Variants in PCDH9 observed in about 807,000 individuals in gnomAD.
The protein encoded by PCDH9 is protocadherin 9.
In PCDH9, 24 loss-of-function variants were observed where a neutral mutation model predicts 70.6. That is an observed-to-expected ratio of 0.34 (90% confidence interval 0.25 to 0.48). PCDH9 has a LOEUF of 0.48. Ranked by LOEUF, PCDH9 falls within the 20% of genes least tolerant of loss-of-function variation. The probability of loss-of-function intolerance (pLI) is 0.99; values close to 1 mark genes in which losing one functional copy is unlikely to be tolerated. For synonymous variants in PCDH9, 562 were observed against 558.5 expected (o/e 1.01, Z -0.09); for missense variants, 1,281 against 1,503.6 (o/e 0.85, Z 2.45).
chr13:66,622,009 G>T (rs575581846), intron 4 of PCDH9, among the ~76,000 whole-genome samples: 2 of 152,380 alleles, frequency 1.3e-5, no homozygotes, highest in East Asian at 3.9e-4. Flanking sequence ...GGAGTTCCGG[G>T]TGGGCGTGGG....
chr13:66,624,071 G>C (rs2077468373), intron 4 of PCDH9, among the ~76,000 whole-genome samples: 1 of 152,080 alleles, frequency 6.6e-6, no homozygotes, highest in Admixed American at 6.5e-5. Context: ...AGAAATATCA[G>C]ATACAGAAAT....
At chr13:66,855,745 C>T (rs533794122) in intron 3 of PCDH9, among the ~76,000 whole-genome samples, 33 of 152,022 alleles carry the variant, frequency 2.2e-4, no homozygotes, top group African/African-American at 7.7e-4. Context: ...AAGTCAAACC[C>T]TTGGATAATG....
chr13:66,454,799 T>C (rs1010033269), intron 4 of PCDH9, among the ~76,000 whole-genome samples: 10 of 152,222 alleles, frequency 6.6e-5, no homozygotes, highest in African/African-American at 2.4e-4. Context: ...TTTTTAAATG[T>C]ATAGTTGTAA....
Position 66,903,651 on chromosome 13 carries a change from G to C in PCDH9, c.3037-46C>G, listed in dbSNP as rs771288934. The C allele has an allele frequency of 3.1e-5, 25 of 818,490 alleles. No homozygotes were observed. The East Asian group carries it at 4.9e-4, about 16-fold the overall frequency. 50.7% of individuals were successfully genotyped at this position (818,490 alleles called of 1,614,324 possible). On this transcript the variant is annotated intron_variant, in intron 2 of 4. Coordinates refer to ENST00000377865, the MANE Select transcript of PCDH9 (RefSeq NM_203487.3). Reference sequence around the variant, plus strand: ...ATTGTGACAAACTACTCCACATTTAGAGTGTCCATTGAGAGACATGGCTGT... The same window carrying C: ...ATTGTGACAAACTACTCCACATTTACAGTGTCCATTGAGAGACATGGCTGT...
At chr13:66,519,452 T>TA (rs1357100764) in intron 4 of PCDH9, among the ~76,000 whole-genome samples, 2 of 152,158 alleles carry the variant, frequency 1.3e-5, no homozygotes, top group East Asian at 3.9e-4. Flanking sequence ...GCACTCTTTA[T>TA]AATCTCAGGC....
intron 4 of PCDH9, among the ~76,000 whole-genome samples, chr13:66,435,054 G>A (rs928273737): frequency 1.2e-4 from 18 of 152,172 alleles, no homozygotes; most frequent in African/African-American, 4.1e-4. Context: ...GGCATTCCAA[G>A]GAAATCCTAA....
rs1006695791 is a variant in PCDH9, at chr13:66,937,723, C to T, written c.3037-34118G>A. On this transcript the variant is annotated intron_variant, in intron 2 of 4. Coordinates refer to ENST00000377865, the MANE Select transcript of PCDH9 (RefSeq NM_203487.3). ...CCATACTTCAACCACTCATAGACTG[C>T]TGAATGTTCAAACTGCGTTCAAGTA... 3.9e-5 allele frequency among the ~76,000 whole-genome samples: 6 copies of T among 152,156 alleles called. No individual in the cohort carries two copies. In the South Asian group the frequency reaches 1.2e-3, roughly 32 times the overall value.
At chr13:67,139,891 A>T (rs562102360) in intron 2 of PCDH9, among the ~76,000 whole-genome samples, 1 of 152,294 alleles carries the variant, frequency 6.6e-6, no homozygotes, top group Admixed American at 6.5e-5. Context: ...AAATATTTTC[A>T]AGTACGCTTT....
intron 4 of PCDH9, among the ~76,000 whole-genome samples, chr13:66,409,027 A>G: frequency 6.6e-6 from 1 of 152,280 alleles, no homozygotes; most frequent in African/African-American, 2.4e-5. Context: ...AATGGAAAGA[A>G]TACATACAAG....
At chr13:66,478,546 AAC>A (rs1338577682) in intron 4 of PCDH9, among the ~76,000 whole-genome samples, 3 of 152,242 alleles carry the variant, frequency 2.0e-5, no homozygotes, top group Non-Finnish European at 4.4e-5. Context: ...TAGTCCAGGG[AAC>A]ACACAAATGA....
At chr13:66,866,939 T>C (rs1214877518) in intron 3 of PCDH9, among the ~76,000 whole-genome samples, 1 of 152,002 alleles carries the variant, frequency 6.6e-6, no homozygotes, top group Non-Finnish European at 1.5e-5. Context: ...CAAAATGGCA[T>C]ATTATTACTG....
chr13:66,786,122 G>T (rs1322575786), intron 3 of PCDH9, among the ~76,000 whole-genome samples: 1 of 152,182 alleles, frequency 6.6e-6, no homozygotes, highest in Admixed American at 6.5e-5. Context: ...TGGTTACATG[G>T]CTAATTAGCA....
chr13:66,912,154 T>C (rs1342013854), intron 2 of PCDH9, among the ~76,000 whole-genome samples: 1 of 152,176 alleles, frequency 6.6e-6, no homozygotes, highest in Non-Finnish European at 1.5e-5. Context: ...AAGTGTTCAC[T>C]AGGAATTTAA....
intron 3 of PCDH9, among the ~76,000 whole-genome samples, chr13:66,740,714 T>C (rs987661096): frequency 5.2e-4 from 79 of 152,080 alleles, no homozygotes; most frequent in African/African-American, 1.8e-3. Flanking sequence ...TACAAACAAC[T>C]CTATGCAAAT....
chr13:66,336,546 G>A (rs1956041373), intron 4 of PCDH9, among the ~76,000 whole-genome samples: 3 of 152,026 alleles, frequency 2.0e-5, no homozygotes, highest in African/African-American at 7.2e-5. Context: ...GCCTATGGAT[G>A]CTTTTAAAAA....
At chr13:66,713,841 A>C (rs937061668) in intron 3 of PCDH9, among the ~76,000 whole-genome samples, 2 of 151,872 alleles carry the variant, frequency 1.3e-5, no homozygotes, top group South Asian at 4.2e-4. Flanking sequence ...TTAAATCTAC[A>C]TGAGGCAAGC....
At chr13:66,749,316 G>A (rs935155383) in intron 3 of PCDH9, among the ~76,000 whole-genome samples, 2 of 152,160 alleles carry the variant, frequency 1.3e-5, no homozygotes, top group Non-Finnish European at 2.9e-5. Flanking sequence ...CATCAGCTAT[G>A]AGGATATAAA....
chr13:66,787,708 G>A (rs17081841), intron 3 of PCDH9, among the ~76,000 whole-genome samples: 5,049 of 152,072 alleles, frequency 0.033, 279 homozygotes, highest in African/African-American at 0.12. Flanking sequence ...ATCATAACCC[G>A]GCACTTTCCA....
chr13:66,695,208 A>G lies in PCDH9; in HGVS notation c.3139-63797T>C, dbSNP rs991027666. The stretch of plus-strand genomic sequence containing the variant: ...GTGAGCCACCGCGCCCGGTATATAC[A>G]TGTTTTAAATAACGAATGTATAAAC... On this transcript the variant is annotated intron_variant, in intron 3 of 4. Transcript: ENST00000377865. Among the ~76,000 whole-genome samples, 5 of 152,156 alleles carry G rather than the reference A, an allele frequency of 3.3e-5. No homozygotes were observed. In the East Asian group the frequency reaches 7.7e-4, roughly 23 times the overall value.
Sources: gnomAD v4.1 joint callset for allele counts (sites outside exome capture counted in the v4.1 genomes callset) on GRCh38, gnomAD v4.1.1 for gene constraint, MANE v1.5 for transcripts, NCBI Gene and HGNC (gene_info 2026-07-23, HGNC 2026-07-21) for gene names.